The following CFAP97 variants were observed in gnomAD, a reference collection of about 807,000 sequenced individuals.
CFAP97 encodes cilia- and flagella-associated protein 97.
Under a neutral mutation model 43.1 loss-of-function variants are expected in CFAP97, and 36 were observed. The observed-to-expected ratio is 0.84, with a 90% confidence interval of 0.64 to 1.10. The LOEUF (loss-of-function observed/expected upper bound fraction) is 1.10, where lower values mean the gene tolerates loss of function less well. Ranked by LOEUF, CFAP97 falls within the 50% of genes least tolerant of loss-of-function variation. The pLI is 0.00. For missense variants in CFAP97, 657 were observed against 620.3 expected, an observed-to-expected ratio of 1.06 and a Z score of -0.63; for synonymous variants, 228 against 225.7, an observed-to-expected ratio of 1.01 and a Z score of -0.09.
chr4:185,208,146 T>C (rs1334733209), upstream of CFAP97, among the ~76,000 whole-genome samples: 1 of 152,054 alleles, frequency 6.6e-6, no homozygotes, highest in Non-Finnish European at 1.5e-5. Flanking sequence ...TCTCACTCTG[T>C]TGCCCAAGCT....
At chr4:185,206,815 C>G (rs557208145), upstream of CFAP97, among the ~76,000 whole-genome samples, 12 of 152,260 alleles carry the variant, frequency 7.9e-5, no homozygotes, top group African/African-American at 2.9e-4. Flanking sequence ...ATACACCCTT[C>G]GCCGGCTGGA....
At position 185,165,215 on chromosome 4, in the gene CFAP97, G is replaced by A. The variant is rs749371151; in HGVS notation, c.1321-1036C>T. Among the ~76,000 whole-genome samples, 17 of 152,202 alleles carry A rather than the reference G, an allele frequency of 1.1e-4. 1 individual carries two copies. The highest frequency in any genetic ancestry group is 6.2e-4 in the South Asian group (3 of 4,832). Reference sequence around the variant, plus strand: ...GTAGTCCCAGCACTTTGGGGAGCCCGGGGCGGGTGGATGACCTGCTTGAGT... The same window carrying A: ...GTAGTCCCAGCACTTTGGGGAGCCCAGGGCGGGTGGATGACCTGCTTGAGT... On this transcript the variant is annotated intron_variant, in intron 3 of 4. Transcript: ENST00000458385.
In CFAP97 at chr4:185,160,021, C is replaced by T. The variant is rs999291463; in HGVS notation, c.*2777G>A. The T allele has an allele frequency of 2.6e-5, 4 of 152,222 alleles. No individual in the cohort carries two copies. The highest frequency in any genetic ancestry group is 9.6e-5 in the African/African-American group (4 of 41,456). 9.4% of individuals were successfully genotyped at this position (152,222 alleles called of 1,614,324 possible). ...ACAGCCGTCACTTACCCATGACCGTCACCTTCCTAAAGCTGTCTCGATATC... is the reference window on the plus strand; with the variant it reads ...ACAGCCGTCACTTACCCATGACCGTTACCTTCCTAAAGCTGTCTCGATATC... On this transcript the variant is annotated 3_prime_UTR_variant, in exon 5 of 5. Coordinates refer to ENST00000458385, the MANE Select transcript of CFAP97 (RefSeq NM_020827.3).
intron 2 of CFAP97, among the ~76,000 whole-genome samples, chr4:185,180,381 C>T (rs1735736634): frequency 6.6e-6 from 1 of 152,150 alleles, no homozygotes; most frequent in African/African-American, 2.4e-5. Context: ...AAACTCCTTC[C>T]ATTGTGTAAA....
rs941841802 is a variant in CFAP97 at position 185,161,165 on chromosome 4, T to C, written c.*1633A>G. On this transcript the variant is annotated 3_prime_UTR_variant, in exon 5 of 5. Coordinates refer to ENST00000458385, the MANE Select transcript of CFAP97 (RefSeq NM_020827.3). ...ATACACAGCAGGTATAGTAACTTGTTCACCAGAACAGAGCATCGAATAACA... is the reference window on the plus strand; with the variant it reads ...ATACACAGCAGGTATAGTAACTTGTCCACCAGAACAGAGCATCGAATAACA... The C allele has an allele frequency of 1.3e-5, 2 of 152,122 alleles. No homozygotes were observed. Among genetic ancestry groups the C allele is most frequent in the East Asian group, 3.8e-4 (2 of 5,196 alleles). The allele number at this position is 152,122 out of a possible 1,614,324, so 9.4% of individuals were successfully genotyped here. A position where few individuals can be genotyped will look rare whatever the true frequency, so the allele number is the denominator to read the frequency against.
chr4:185,175,891 C>T lies in CFAP97; in HGVS notation c.1215G>A (p.Pro405=), dbSNP rs6855305. The T allele has an allele frequency of 0.46, 750,144 of 1,613,336 alleles. 176,225 individuals are homozygous for T. Among genetic ancestry groups the T allele is most frequent in the African/African-American group, 0.62 (46,268 of 74,914 alleles). Residue 405 remains proline (P), a synonymous_variant, in exon 3 of 5, where the codon CCG becomes CCA. Transcript: ENST00000458385. ...LKELSRQAEK[P]GSKSTIPRSA... ...ATCTAGGAATTGTACTTTTGCTTCC[C>T]GGCTTTTCCGCCTGTCTTGACAGTT... is the stretch of plus-strand genomic sequence containing the variant.
At chr4:185,163,859 A>C (rs1734965000) in intron 4 of CFAP97, among the ~76,000 whole-genome samples, 170 bp downstream of exon 4, 1 of 152,182 alleles carries the variant, frequency 6.6e-6, no homozygotes, top group South Asian at 2.1e-4. Flanking sequence ...GCTGTAAATG[A>C]AACCTGAAAT....
chr4:185,195,304 C>T (rs1285065496), intron 1 of CFAP97, among the ~76,000 whole-genome samples: 5 of 151,982 alleles, frequency 3.3e-5, no homozygotes, highest in Non-Finnish European at 7.4e-5. Context: ...CATAATGAGA[C>T]CCCGTTGCTA....
chr4:185,207,210 C>CTTTT (rs34373262), upstream of CFAP97, among the ~76,000 whole-genome samples: 63 of 76,846 alleles, frequency 8.2e-4, 9 homozygotes, highest in African/African-American at 2.5e-3. Flanking sequence ...ACCAGTCACA[C>CTTTT]TTTTTTTTTT....
intron 2 of CFAP97, among the ~76,000 whole-genome samples, chr4:185,188,848 A>G (rs1318049079): frequency 6.6e-6 from 1 of 152,132 alleles, no homozygotes; most frequent in African/African-American, 2.4e-5. Context: ...CTTAGCCAAT[A>G]AGAGTGTGAT....
At chr4:185,176,130 T>TTTTTTTTTTTTTTTTTTTTTG in intron 2 of CFAP97, 79 bp from the exon 3 acceptor site, 1 of 1,146,398 alleles carries the variant, frequency 8.7e-7, no homozygotes, top group Non-Finnish European at 1.2e-6. Context: ...TTTCTCTTTT[T>TTTTTTTTTTTTTTTTTTTTTG]AGACGGAGTT....
rs771838606 is a variant in CFAP97 at position 185,162,040 on chromosome 4, A to C, written c.*758T>G. ...GTCCTTAAACTATTCACGAGTTAGA[A>C]GACTAGCTCTAAAACCTACCTCATT... On this transcript the variant is annotated 3_prime_UTR_variant, in exon 5 of 5. Coordinates refer to ENST00000458385, the MANE Select transcript of CFAP97 (RefSeq NM_020827.3). 3.3e-5 allele frequency: 5 copies of C among 152,376 alleles called. No homozygotes were observed. The South Asian group carries it at 1.0e-3, about 32-fold the overall frequency. The allele number at this position is 152,376 out of a possible 1,614,324, so 9.4% of individuals were successfully genotyped here. A position where few individuals can be genotyped will look rare whatever the true frequency, so the allele number is the denominator to read the frequency against.
In CFAP97 at chr4:185,190,579, T is replaced by C. The variant is rs1169855863; in HGVS notation, c.618A>G (p.Ser206=). ...HLSDSSPSSK[S]SKKHVSGITL... ...TTATACCAGATACATGTTTCTTAGA[T>C]GACTTAGATGACGGAGACGAATCAG... The change falls in exon 2 of 5, where the codon TCA becomes TCG. Residue 206 remains serine, a synonymous_variant. Transcript: ENST00000458385. 1 of 1,613,592 alleles carries C rather than the reference T, an allele frequency of 6.2e-7. No individual in the cohort carries two copies. Among genetic ancestry groups the C allele is most frequent in the Admixed American group, 1.7e-5 (1 of 59,970 alleles).
At chr4:185,204,314 C>G (rs1032369866), upstream of CFAP97, 1 of 152,212 alleles carries the variant, frequency 6.6e-6, no homozygotes, top group African/African-American at 2.4e-5. Flanking sequence ...CCTTGATTAT[C>G]TTGTAATTCT....
chr4:185,165,449 G>C (rs939966623), intron 3 of CFAP97, among the ~76,000 whole-genome samples: 1 of 152,206 alleles, frequency 6.6e-6, no homozygotes, highest in African/African-American at 2.4e-5. Context: ...AAAGGTGAAA[G>C]AGTTTATCCT....
intron 1 of CFAP97, among the ~76,000 whole-genome samples, chr4:185,196,154 G>C (rs911905215): frequency 6.6e-6 from 1 of 152,108 alleles, no homozygotes; most frequent in African/African-American, 2.4e-5. Flanking sequence ...TTAAACTGAC[G>C]AAGTAGAACA....
chr4:185,177,726 T>C (rs1476327948), intron 2 of CFAP97, among the ~76,000 whole-genome samples: 1 of 151,888 alleles, frequency 6.6e-6, no homozygotes, highest in Non-Finnish European at 1.5e-5. Context: ...TTCCAGCTAC[T>C]CAGGAGGCTG....
At chr4:185,184,005 T>C (rs1045316818) in intron 2 of CFAP97, among the ~76,000 whole-genome samples, 4 of 152,204 alleles carry the variant, frequency 2.6e-5, no homozygotes, top group African/African-American at 9.6e-5. Context: ...TTAAAAATAT[T>C]TAGGTTCTCT....
At chr4:185,179,008 T>C (rs960566330) in intron 2 of CFAP97, among the ~76,000 whole-genome samples, 1 of 151,910 alleles carries the variant, frequency 6.6e-6, no homozygotes, top group Non-Finnish European at 1.5e-5. Context: ...AAAAAAATCA[T>C]AAAAAGAACT....
Sources: allele counts gnomAD v4.1 joint callset (sites outside exome capture counted in the v4.1 genomes callset), GRCh38; gene constraint gnomAD v4.1.1; transcripts MANE v1.5; gene names NCBI Gene and HGNC (gene_info 2026-07-23, HGNC 2026-07-21).